The following CFAP54 variants were observed in gnomAD, a reference collection of about 807,000 sequenced individuals.
The protein encoded by CFAP54 is cilia and flagella associated protein 54.
CFAP54 carries 290 observed loss-of-function variants against 370.4 expected under a neutral mutation model. The observed-to-expected ratio is 0.78, with a 90% confidence interval of 0.71 to 0.86. The LOEUF (loss-of-function observed/expected upper bound fraction) is 0.86. CFAP54 is among the 40% of genes least tolerant of loss of function. The pLI is 0.00. For synonymous variants in CFAP54, 1,206 were observed against 1,236.5 expected, an observed-to-expected ratio of 0.98 and a Z score of 0.52; for missense variants, 3,399 against 3,528.7, an observed-to-expected ratio of 0.96 and a Z score of 0.93.
At chr12:96,586,531 A>T (rs1193107439) in intron 22 of CFAP54, among the ~76,000 whole-genome samples, 1 of 152,106 alleles carries the variant, frequency 6.6e-6, no homozygotes, top group African/African-American at 2.4e-5. Context: ...AGATGAGGGA[A>T]TGGCTCTCTG....
At chr12:96,653,810 A>G (rs1200499061) in intron 36 of CFAP54, among the ~76,000 whole-genome samples, 1 of 147,798 alleles carries the variant, frequency 6.8e-6, no homozygotes, top group Non-Finnish European at 1.5e-5. Context: ...CAAAAACAAT[A>G]AAGTCAAAAT....
In CFAP54 at chr12:96,874,612, CTTTTTTTTATTTTTATTTTA is replaced by C. The variant is rs1299067080; in HGVS notation, c.*15-497_*15-478del. On this transcript the variant is annotated intron_variant, in intron 67 of 67. Transcript: ENST00000524981. ...GTTCTGTTCTGTTTTGGGATCTCTG[CTTTTTTTTATTTTTATTTTA>C]TTTTTTTTTTTTTTTGAGACGGAGT... 4.2e-4 allele frequency among the ~76,000 whole-genome samples: 17 copies of C among 40,074 alleles called. 5 individuals carry two copies. The highest frequency in any genetic ancestry group is 2.1e-3 in the East Asian group (3 of 1,458). The allele number at this position is 40,074 out of a possible 152,430, so 26.3% of individuals were successfully genotyped here. A position where few individuals can be genotyped will look rare whatever the true frequency, so the allele number is the denominator to read the frequency against.
chr12:96,833,196 A>G (rs1408024838), intron 66 of CFAP54, among the ~76,000 whole-genome samples: 2 of 152,208 alleles, frequency 1.3e-5, no homozygotes, highest in Non-Finnish European at 1.5e-5. Context: ...AGGCAGCAAT[A>G]AAAAGAATTT....
intron 60 of CFAP54, among the ~76,000 whole-genome samples, chr12:96,782,162 G>A (rs141389433): frequency 5.4e-4 from 82 of 151,440 alleles, no homozygotes; most frequent in Middle Eastern, 6.8e-3. Flanking sequence ...TCTAAAACTG[G>A]GAATTAAAAA....
chr12:96,677,191 TG>T (rs1418227446), intron 39 of CFAP54, among the ~76,000 whole-genome samples: 3 of 151,540 alleles, frequency 2.0e-5, no homozygotes, highest in African/African-American at 7.3e-5. Flanking sequence ...TTATTTTTTT[TG>T]TAGAGACAGG....
chr12:96,699,637 A>C (rs571614190), intron 45 of CFAP54, among the ~76,000 whole-genome samples: 4 of 152,248 alleles, frequency 2.6e-5, no homozygotes, highest in Admixed American at 2.6e-4. Context: ...AGTAATGGGA[A>C]CAAAAAAAAT....
chr12:96,603,600 C>T (rs545302019), intron 26 of CFAP54, among the ~76,000 whole-genome samples: 10 of 152,334 alleles, frequency 6.6e-5, no homozygotes, highest in African/African-American at 1.9e-4. Context: ...ACCAATCAGA[C>T]GTAGATCTGG....
Position 96,625,821 on chromosome 12 carries a change from A to T in CFAP54, c.3976+14A>T, listed in dbSNP as rs1956544295. 1.3e-6 allele frequency: 2 copies of T among 1,497,800 alleles called. No homozygotes were observed. Among genetic ancestry groups the T allele is most frequent in the Admixed American group, 3.9e-5 (2 of 50,832 alleles). The allele number at this position is 1,497,800 out of a possible 1,614,324, so 92.8% of individuals were successfully genotyped here. A position where few individuals can be genotyped will look rare whatever the true frequency, so the allele number is the denominator to read the frequency against. On this transcript the variant is annotated intron_variant, in intron 29 of 67. Coordinates refer to ENST00000524981, the MANE Select transcript of CFAP54 (RefSeq NM_001306084.2). ...CCGTGAAAGAAGGTAGGTGAACTGG[A>T]TGTGTATATGCTGTTCACTCGATTT...
intron 40 of CFAP54, among the ~76,000 whole-genome samples, 163 bp downstream of exon 40, chr12:96,679,915 C>T (rs942358598): frequency 6.6e-6 from 1 of 152,224 alleles, no homozygotes; most frequent in Non-Finnish European, 1.5e-5. Context: ...GTGTCTTACA[C>T]TTTAACCAAT....
At chr12:96,518,529 T>C (rs1425359666) in intron 5 of CFAP54, among the ~76,000 whole-genome samples, 1 of 151,998 alleles carries the variant, frequency 6.6e-6, no homozygotes, top group Non-Finnish European at 1.5e-5. Context: ...TCTACTAAAA[T>C]AGAAAAATTA....
intron 26 of CFAP54, among the ~76,000 whole-genome samples, chr12:96,621,110 A>T (rs1956482433): frequency 6.6e-6 from 1 of 152,222 alleles, no homozygotes; most frequent in Admixed American, 6.5e-5. Flanking sequence ...GCTTCTATCT[A>T]GCCTAGTCCT....
intron 60 of CFAP54, among the ~76,000 whole-genome samples, chr12:96,779,242 C>T (rs1958557675): frequency 2.6e-5 from 4 of 152,158 alleles, no homozygotes; most frequent in Admixed American, 6.5e-5. Context: ...ATCATGTTCC[C>T]TTCTGGCCCC....
intron 20 of CFAP54, among the ~76,000 whole-genome samples, chr12:96,578,339 CTG>C (rs1220813948): frequency 6.6e-6 from 1 of 152,174 alleles, no homozygotes; most frequent in Non-Finnish European, 1.5e-5. Flanking sequence ...TTATACCTAA[CTG>C]TGCTATGACA....
intron 22 of CFAP54, 29 bp downstream of exon 22, chr12:96,581,134 A>G: frequency 1.4e-6 from 2 of 1,382,534 alleles, no homozygotes; most frequent in Non-Finnish European, 1.9e-6. Context: ...AATTTTTTCC[A>G]CTGTGTTTTT....
intron 32 of CFAP54, among the ~76,000 whole-genome samples, chr12:96,634,874 A>G (rs1956647508): frequency 6.6e-6 from 1 of 152,212 alleles, no homozygotes; most frequent in Non-Finnish European, 1.5e-5. Context: ...GTACCTTTGT[A>G]AAAAATCAGC....
chr12:96,755,123 G>C (rs986154654), intron 56 of CFAP54, among the ~76,000 whole-genome samples: 3 of 152,170 alleles, frequency 2.0e-5, no homozygotes, highest in African/African-American at 4.8e-5. Context: ...CATTATCATA[G>C]AGAGTTTTCA....
At chr12:96,747,382 C>T (rs536673271) in intron 55 of CFAP54, among the ~76,000 whole-genome samples, 91 of 152,264 alleles carry the variant, frequency 6.0e-4, no homozygotes, top group African/African-American at 2.1e-3. Context: ...TTGCTTCTCT[C>T]TCTCCTTTAA....
intron 45 of CFAP54, among the ~76,000 whole-genome samples, chr12:96,698,381 G>A (rs1000645999): frequency 6.6e-6 from 1 of 152,064 alleles, no homozygotes; most frequent in East Asian, 1.9e-4. Context: ...TAAGAAAATT[G>A]TTCATTGTAG....
Position 96,562,399 on chromosome 12 carries a change from A to G in CFAP54, c.2411-2069A>G, listed in dbSNP as rs150697400. Among the ~76,000 whole-genome samples the G allele has an allele frequency of 3.2e-3, 454 of 143,330 alleles. 1 individual carries two copies. The highest frequency in any genetic ancestry group is 0.011 in the African/African-American group (426 of 39,024). 94.0% of individuals were successfully genotyped at this position (143,330 alleles called of 152,430 possible). Reference sequence around the variant, plus strand: ...TAATTTTTTTTTCAATTTGATACATACTTGTGACCCTTTTTTTGTATTTGC... The same window carrying G: ...TAATTTTTTTTTCAATTTGATACATGCTTGTGACCCTTTTTTTGTATTTGC... On this transcript the variant is annotated intron_variant, in intron 17 of 67. Transcript: ENST00000524981.
Sources: allele counts gnomAD v4.1 joint callset (sites outside exome capture counted in the v4.1 genomes callset), GRCh38; gene constraint gnomAD v4.1.1; transcripts MANE v1.5; gene names NCBI Gene and HGNC (gene_info 2026-07-23, HGNC 2026-07-21).